The following TLE2 variants were observed in gnomAD, a reference collection of about 807,000 sequenced individuals.
TLE2 encodes transducin-like enhancer protein 2.
Under a neutral mutation model 97.2 loss-of-function variants are expected in TLE2, and 74 were observed. The ratio of observed to expected loss-of-function variants is 0.76; its 90% CI spans 0.63 to 0.92. TLE2 has a LOEUF of 0.92. TLE2 is among the 40% of genes least tolerant of loss of function. The pLI is 0.00. For synonymous variants in TLE2, 499 were observed against 432.1 expected (o/e 1.15, Z -1.92); for missense variants, 1,038 against 1,008.7 (o/e 1.03, Z -0.39).
At chr19:3,046,865 G>A (rs2090144882), upstream of TLE2, among the ~76,000 whole-genome samples, 1 of 149,562 alleles carries the variant, frequency 6.7e-6, no homozygotes, top group Non-Finnish European at 1.5e-5. Flanking sequence ...CTCCCCTCTG[G>A]TCCCATCCAA....
At chr19:3,028,008 A>T in intron 3 of TLE2, 135 bp from the exon 4 acceptor site, 1 of 908,322 alleles carries the variant, frequency 1.1e-6, no homozygotes, top group Non-Finnish European at 1.7e-6. Context: ...CCCCAGCTCC[A>T]CGGGGTCCCA....
rs181373418 is a variant in TLE2 at position 3,044,388 on chromosome 19, G to T, written c.63+1338C>A. ...TGTAGGGCAGGCAGGATTCTACAGGGCTGGCCCACATCCACCCATCTCACT... is the reference window on the plus strand; with the variant it reads ...TGTAGGGCAGGCAGGATTCTACAGGTCTGGCCCACATCCACCCATCTCACT... On this transcript the variant is annotated intron_variant, in intron 1 of 18. Transcript: ENST00000426948. 8.5e-4 allele frequency among the ~76,000 whole-genome samples: 129 copies of T among 152,184 alleles called. 2 individuals carry two copies. In the East Asian group the frequency reaches 0.024, roughly 28 times the overall value.
intron 17 of TLE2, among the ~76,000 whole-genome samples, chr19:3,003,062 C>T (rs537544351): frequency 3.9e-5 from 6 of 152,038 alleles, no homozygotes; most frequent in African/African-American, 1.2e-4. Flanking sequence ...TGGAGTCCAA[C>T]ATTCTCCCTC....
chr19:3,026,215 G>A (rs1368104958), intron 4 of TLE2, among the ~76,000 whole-genome samples: 1 of 152,084 alleles, frequency 6.6e-6, no homozygotes, highest in Non-Finnish European at 1.5e-5. Flanking sequence ...GGGAGGCCGA[G>A]GCAGGTGGAT....
rs201144885 is a variant in TLE2, at chr19:3,015,694, C to A, written c.637G>T (p.Gly213Trp). Residue 213 changes from glycine to tryptophan, a missense_variant, in exon 9 of 20, where the codon GGG becomes TGG. Physicochemically the swap from Gly to Trp is radical, Grantham distance 184. Coordinates refer to ENST00000262953, the MANE Select transcript of TLE2 (RefSeq NM_003260.5). Reference protein sequence around the residue: ...EERPSGPGGGGKQRADEKEPS... With the variant: ...EERPSGPGGGWKQRADEKEPS... ...TCCTTCTCATCTGCTCTCTGCTTCC[C>A]GCCACCACCAGGGCCACTCGGTCGC... 1 of 1,611,378 alleles carries A rather than the reference C, an allele frequency of 6.2e-7. No homozygotes were observed. The highest frequency in any genetic ancestry group is 1.3e-5 in the African/African-American group (1 of 74,878).
intron 19 of TLE2, among the ~76,000 whole-genome samples, chr19:2,998,277 A>AT (rs2089268960): frequency 4.4e-4 from 20 of 45,870 alleles, no homozygotes; most frequent in African/African-American, 1.2e-3. Context: ...GTGTGTGTGT[A>AT]ATTTTTTTTT....
chr19:3,023,195 G>C (rs1170591107), intron 5 of TLE2, among the ~76,000 whole-genome samples: 5 of 151,524 alleles, frequency 3.3e-5, no homozygotes, highest in Non-Finnish European at 7.4e-5. Flanking sequence ...GCTGGGACTA[G>C]CCCAGCTAAT....
chr19:3,001,791 C>CTTTT (rs562875053), intron 18 of TLE2, among the ~76,000 whole-genome samples: 11 of 111,404 alleles, frequency 9.9e-5, no homozygotes, highest in South Asian at 2.9e-4. Context: ...TCTTTTCTTT[C>CTTTT]TTTTTTTTTT....
chr19:3,035,729 A>C (rs1174543205), intron 1 of TLE2, among the ~76,000 whole-genome samples: 1 of 152,082 alleles, frequency 6.6e-6, no homozygotes, highest in Admixed American at 6.5e-5. Flanking sequence ...GCCAATGGGG[A>C]TTAGGAGACC....
intron 18 of TLE2, 118 bp from the exon 19 acceptor site, chr19:3,000,841 T>TTTC (rs34470428): frequency 1.9e-4 from 130 of 687,764 alleles, no homozygotes; most frequent in African/African-American, 1.7e-3. Flanking sequence ...TTTTTTTTTT[T>TTTC]CCAAGAAAGG....
intron 1 of TLE2, among the ~76,000 whole-genome samples, chr19:3,041,196 T>C (rs1443993485): frequency 6.7e-6 from 1 of 150,288 alleles, no homozygotes; most frequent in Non-Finnish European, 1.5e-5. Context: ...CTGGCTAATT[T>C]TTGTATTTTT....
chr19:3,005,491 G>T lies in TLE2; in HGVS notation c.1842C>A (p.Arg614=). Residue 614 remains arginine (R), a synonymous_variant, in exon 17 of 20, where the codon CGC becomes CGA. Transcript: ENST00000262953. The part of the protein sequence containing the change: ...LWTGGLDNTV[R]CWDLREGRQL... ...GGCGGCCCTCCCGCAGGTCCCAGCA[G>T]CGCACCGTGTTGTCCAGGCCCCCTG... 1 of 1,613,818 alleles carries T rather than the reference G, an allele frequency of 6.2e-7. No homozygotes were observed. The highest frequency in any genetic ancestry group is 8.5e-7 in the Non-Finnish European group (1 of 1,179,808).
At chr19:3,015,290 G>C (rs144080315) in intron 9 of TLE2, among the ~76,000 whole-genome samples, 3 of 152,210 alleles carry the variant, frequency 2.0e-5, no homozygotes, top group African/African-American at 7.2e-5. Context: ...GGCAATGAGA[G>C]GAGGTCCCAG....
chr19:3,010,497 T>A (rs1315510676), intron 12 of TLE2, among the ~76,000 whole-genome samples: 1 of 152,118 alleles, frequency 6.6e-6, no homozygotes, highest in Non-Finnish European at 1.5e-5. Flanking sequence ...CAGCCCTGAC[T>A]ATACAGGGCT....
intron 1 of TLE2, chr19:3,045,660 C>G (rs567458291): frequency 2.5e-6 from 1 of 398,394 alleles, no homozygotes; most frequent in African/African-American, 2.1e-5. Context: ...CACCCCACCC[C>G]GTCTCTACTA....
In TLE2 at chr19:3,025,002, AC is replaced by A; in HGVS notation, c.294+17del. Reference sequence around the variant, plus strand: ...CCGGCTCCCTTCCCCTCCTCCCCCCACCCCCAGGCCCACTCACCTCCTGGGT... The same window carrying A: ...CCGGCTCCCTTCCCCTCCTCCCCCCACCCCAGGCCCACTCACCTCCTGGGT... On this transcript the variant is annotated intron_variant, in intron 5 of 19. Coordinates refer to ENST00000262953, the MANE Select transcript of TLE2 (RefSeq NM_003260.5). 4 of 852,434 alleles carry A rather than the reference AC, an allele frequency of 4.7e-6. No individual in the cohort carries two copies. Among genetic ancestry groups the A allele is most frequent in the East Asian group, 4.4e-5 (1 of 22,928 alleles). 52.8% of individuals were successfully genotyped at this position (852,434 alleles called of 1,614,324 possible). A position where few individuals can be genotyped will look rare whatever the true frequency, so the allele number is the denominator to read the frequency against.
Position 3,002,650 on chromosome 19 carries a change from T to C in TLE2, c.1897-147A>G, listed in dbSNP as rs879159395. ...ACCTCCAGGGCTCAAGAGATCCTCCTGCCTCAGCACCAGAAGCTGAGACTA... is the reference window on the plus strand; with the variant it reads ...ACCTCCAGGGCTCAAGAGATCCTCCCGCCTCAGCACCAGAAGCTGAGACTA... On this transcript the variant is annotated intron_variant, in intron 17 of 19. Coordinates refer to ENST00000262953, the MANE Select transcript of TLE2 (RefSeq NM_003260.5). The C allele has an allele frequency of 3.2e-6, 3 of 938,488 alleles. No individual in the cohort carries two copies. In the South Asian group the frequency reaches 5.0e-5, roughly 15 times the overall value. The allele number at this position is 938,488 out of a possible 1,614,324, so 58.1% of individuals were successfully genotyped here.
At chr19:3,010,964 T>G (rs1226697209) in intron 12 of TLE2, 58 bp downstream of exon 12, 2 of 1,549,520 alleles carry the variant, frequency 1.3e-6, no homozygotes, top group South Asian at 1.2e-5. Flanking sequence ...CCCCTTTTCC[T>G]AGATCTCCCC....
chr19:3,006,138 C>T (rs764604313), intron 15 of TLE2, 170 bp from the exon 16 acceptor site: 4 of 960,474 alleles, frequency 4.2e-6, no homozygotes, highest in South Asian at 3.9e-5. Flanking sequence ...CAAACACTGC[C>T]CCATCTGACT....
Sources: gnomAD v4.1 joint callset for allele counts (sites outside exome capture counted in the v4.1 genomes callset) on GRCh38, gnomAD v4.1.1 for gene constraint, MANE v1.5 for transcripts, NCBI Gene and HGNC (gene_info 2026-07-23, HGNC 2026-07-21) for gene names.